KCNS3: variants seen among roughly 807,000 people sequenced by gnomAD.
KCNS3 encodes the protein delayed-rectifier potassium channel regulatory subunit KCNS3.
A neutral mutation model predicts 31.0 loss-of-function variants in KCNS3; 13 were observed. The observed-to-expected ratio is 0.42, with a 90% CI of 0.27 to 0.67. The LOEUF (loss-of-function observed/expected upper bound fraction) is 0.67, where lower values mean the gene tolerates loss of function less well. Among genes scored for constraint, KCNS3 ranks in the 30% least tolerant of loss-of-function variants. The pLI is 0.25. For missense variants in KCNS3, 545 were observed against 622.4 expected (o/e 0.88, Z 1.32); for synonymous variants, 238 against 241.5 (o/e 0.99, Z 0.13).
intron 2 of KCNS3, among the ~76,000 whole-genome samples, chr2:17,925,479 G>A (rs989519868): frequency 9.9e-5 from 15 of 152,096 alleles, no homozygotes; most frequent in South Asian, 2.1e-4. Flanking sequence ...AGACATACCC[G>A]ACTGGGTAAT....
chr2:17,906,851 C>T (rs1014043934), intron 1 of KCNS3, among the ~76,000 whole-genome samples: 2 of 152,194 alleles, frequency 1.3e-5, no homozygotes, highest in Non-Finnish European at 2.9e-5. Flanking sequence ...TGTTCTCTTA[C>T]ATTTGCTGAG....
At chr2:17,926,610 C>T (rs1025791538) in intron 2 of KCNS3, among the ~76,000 whole-genome samples, 16 of 152,240 alleles carry the variant, frequency 1.1e-4, no homozygotes, top group South Asian at 2.1e-4. Context: ...TTGGGGCTTG[C>T]GCCATCTGAA....
upstream of KCNS3, chr2:17,878,004 C>T (rs1275307142): frequency 6.6e-6 from 1 of 152,174 alleles, no homozygotes; most frequent in African/African-American, 2.4e-5. Context: ...ACATATGAGG[C>T]GCATCTGCTT....
chr2:17,887,110 A>G (rs986650252), intron 1 of KCNS3, among the ~76,000 whole-genome samples: 3 of 151,756 alleles, frequency 2.0e-5, no homozygotes, highest in East Asian at 1.9e-4. Flanking sequence ...CTCTTCTATT[A>G]TTATTATTGT....
intron 1 of KCNS3, among the ~76,000 whole-genome samples, chr2:17,886,874 G>T (rs1009221994): frequency 1.3e-5 from 2 of 152,100 alleles, no homozygotes; most frequent in African/African-American, 2.4e-5. Flanking sequence ...TTCCTACAAA[G>T]TAGGCTCTTT....
In KCNS3 at chr2:17,932,198, T is replaced by C. The variant is rs750904358; in HGVS notation, c.1190T>C (p.Val397Ala). 6.2e-6 allele frequency: 10 copies of C among 1,613,908 alleles called. No homozygotes were observed. Among genetic ancestry groups the C allele is most frequent in the Non-Finnish European group, 8.5e-6 (10 of 1,180,002 alleles). Residue 397 changes from valine to alanine, a missense_variant, in exon 3 of 3, where the codon GTG (valine) becomes GCG (alanine). Val to Ala is a moderately conservative substitution (Grantham distance 64). Coordinates refer to ENST00000304101, the MANE Select transcript of KCNS3 (RefSeq NM_002252.5). ...ACATGCATCATCTGTGGCATCTTGGTGGTGGCCCTTCCCATCACCATCATC... is the reference window on the plus strand; with the variant it reads ...ACATGCATCATCTGTGGCATCTTGGCGGTGGCCCTTCCCATCACCATCATC... ...ASTCIICGIL[V>A]VALPITIIFN...
intron 2 of KCNS3, among the ~76,000 whole-genome samples, chr2:17,926,378 C>T (rs1449097756): frequency 6.6e-6 from 1 of 152,228 alleles, no homozygotes; most frequent in Non-Finnish European, 1.5e-5. Flanking sequence ...CACAGCTCCA[C>T]TTGGCAGTGC....
intron 1 of KCNS3, among the ~76,000 whole-genome samples, chr2:17,913,788 A>G (rs1461812483): frequency 5.3e-5 from 8 of 152,162 alleles, no homozygotes. Flanking sequence ...TCCAAGGGAT[A>G]TTGGCAGTAT....
intron 1 of KCNS3, among the ~76,000 whole-genome samples, chr2:17,907,324 C>G (rs1354976757): frequency 2.6e-5 from 4 of 152,192 alleles, no homozygotes; most frequent in African/African-American, 7.2e-5. Flanking sequence ...AGATCTTCCT[C>G]CATCCCTTTA....
chr2:17,893,646 C>T (rs1661912259), intron 1 of KCNS3, among the ~76,000 whole-genome samples: 1 of 152,148 alleles, frequency 6.6e-6, no homozygotes, highest in African/African-American at 2.4e-5. Context: ...TGACTCAGCT[C>T]CAGGTAAAGT....
intron 2 of KCNS3, among the ~76,000 whole-genome samples, chr2:17,923,677 G>A (rs1662772535): frequency 6.6e-6 from 1 of 151,748 alleles, no homozygotes; most frequent in South Asian, 2.1e-4. Flanking sequence ...ATCCAATTTA[G>A]ATTTTTTTGC....
chr2:17,911,717 A>G (rs1325862588), intron 1 of KCNS3, among the ~76,000 whole-genome samples: 1 of 152,234 alleles, frequency 6.6e-6, no homozygotes, highest in African/African-American at 2.4e-5. Flanking sequence ...TTTTGTACTT[A>G]GCATATTGTG....
At chr2:17,881,943 A>G (rs1674653967) in intron 1 of KCNS3, among the ~76,000 whole-genome samples, 1 of 152,250 alleles carries the variant, frequency 6.6e-6, no homozygotes. Context: ...GGAAAAAAGG[A>G]AGATAAACCA....
intron 2 of KCNS3, among the ~76,000 whole-genome samples, chr2:17,923,452 T>A (rs1385049309): frequency 6.6e-6 from 1 of 152,166 alleles, no homozygotes. Context: ...ATTGATAGTG[T>A]CCTTTGAAGT....
chr2:17,921,223 G>T (rs1390699819), intron 2 of KCNS3, among the ~76,000 whole-genome samples: 2 of 152,232 alleles, frequency 1.3e-5, no homozygotes, highest in Non-Finnish European at 1.5e-5. Flanking sequence ...ATTTTAACAT[G>T]TACAAAAATA....
chr2:17,881,558 A>G (rs1674643571), intron 1 of KCNS3, among the ~76,000 whole-genome samples: 1 of 152,242 alleles, frequency 6.6e-6, no homozygotes, highest in African/African-American at 2.4e-5. Flanking sequence ...CATCCTGATG[A>G]CAATCTTAGG....
At position 17,908,870 on chromosome 2, in the gene KCNS3, ACT is replaced by A; in HGVS notation, c.-251-8809_-251-8808del. ...CCGTGTGAAGTGTCAGTCTGCCCCT[ACT>A]GGGGGGTGCCTCCCAGATAGGCTGC... On this transcript the variant is annotated intron_variant, in intron 1 of 2. Transcript: ENST00000304101. 2.0e-5 allele frequency among the ~76,000 whole-genome samples: 3 copies of A among 152,188 alleles called. No individual in the cohort carries two copies. In the East Asian group the frequency reaches 5.8e-4, roughly 29 times the overall value.
At chr2:17,885,956 T>A (rs138012319) in intron 1 of KCNS3, among the ~76,000 whole-genome samples, 241 of 152,252 alleles carry the variant, frequency 1.6e-3, no homozygotes, top group African/African-American at 5.5e-3. Flanking sequence ...CAGTGATCAA[T>A]TTGTAGTTGT....
intron 1 of KCNS3, among the ~76,000 whole-genome samples, chr2:17,883,532 T>A (rs912506787): frequency 6.6e-6 from 1 of 152,120 alleles, no homozygotes; most frequent in African/African-American, 2.4e-5. Flanking sequence ...CTAGTTTAGA[T>A]GAGAGGGTCA....
Sources: allele counts gnomAD v4.1 joint callset (sites outside exome capture counted in the v4.1 genomes callset), GRCh38; gene constraint gnomAD v4.1.1; transcripts MANE v1.5; gene names NCBI Gene and HGNC (gene_info 2026-07-23, HGNC 2026-07-21).